The following IGFL4 variants were observed in gnomAD, a reference collection of about 807,000 sequenced individuals.
IGFL4 encodes IGF like family member 4.
IGFL4 carries 12 observed loss-of-function variants against 15.4 expected under a neutral mutation model. The observed-to-expected ratio is 0.78, with a 90% CI of 0.50 to 1.26. The LOEUF (loss-of-function observed/expected upper bound fraction) is 1.26. Ranked by LOEUF, IGFL4 falls within the 50% of genes most tolerant of loss-of-function variation. The pLI is 0.00. For synonymous variants in IGFL4, 54 were observed against 55.9 expected, an observed-to-expected ratio of 0.97 and a Z score of 0.16; for missense variants, 126 against 147.8, an observed-to-expected ratio of 0.85 and a Z score of 0.76.
At chr19:46,050,346 CAGA>C (rs963813624) in intron 2 of IGFL4, among the ~76,000 whole-genome samples, 51 of 152,198 alleles carry the variant, frequency 3.4e-4, no homozygotes, top group Admixed American at 1.0e-3. Context: ...AAAAAGAATT[CAGA>C]AGATCGATTA....
chr19:46,059,003 T>C (rs1969419811), intron 2 of IGFL4: 4 of 152,210 alleles, frequency 2.6e-5, no homozygotes. Context: ...TTGGTGTGGG[T>C]AGGAGTGTCT....
intron 1 of IGFL4, among the ~76,000 whole-genome samples, chr19:46,072,090 A>G (rs2146530313): frequency 6.6e-6 from 1 of 152,358 alleles, no homozygotes; most frequent in African/African-American, 2.4e-5. Flanking sequence ...CTTCAACGAG[A>G]CTACTTTTCC....
At chr19:46,061,566 A>G (rs2193514) in intron 1 of IGFL4, among the ~76,000 whole-genome samples, 26,388 of 152,170 alleles carry the variant, frequency 0.17, 2,494 homozygotes, top group Middle Eastern at 0.22. Context: ...CAGCCTAACA[A>G]GCAGGCACAG....
chr19:46,071,024 C>T (rs1318207496), intron 1 of IGFL4, among the ~76,000 whole-genome samples: 9 of 152,124 alleles, frequency 5.9e-5, no homozygotes, highest in Non-Finnish European at 1.2e-4. Flanking sequence ...AACAAGCCTG[C>T]GGTCCTCCAT....
intron 1 of IGFL4, among the ~76,000 whole-genome samples, chr19:46,074,820 GCATC>G (rs1207409096): frequency 1.3e-5 from 2 of 152,258 alleles, no homozygotes; most frequent in South Asian, 4.1e-4. Flanking sequence ...TCAATACTTT[GCATC>G]CTTCAATCCA....
chr19:46,057,968 G>A (rs1424788752), intron 2 of IGFL4: 1 of 152,094 alleles, frequency 6.6e-6, no homozygotes, highest in African/African-American at 2.4e-5. Context: ...GATTTGGGTA[G>A]GGACACAGCC....
At chr19:46,075,877 A>G (rs1969590723) in intron 1 of IGFL4, among the ~76,000 whole-genome samples, 1 of 152,168 alleles carries the variant, frequency 6.6e-6, no homozygotes. Context: ...TCAATCATTT[A>G]TTTATACCAG....
At chr19:46,067,340 A>AT (rs1420188337) in intron 1 of IGFL4, among the ~76,000 whole-genome samples, 1 of 151,866 alleles carries the variant, frequency 6.6e-6, no homozygotes, top group African/African-American at 2.4e-5. Flanking sequence ...CCCTCCACCC[A>AT]TCCAGGAAGC....
At position 46,039,839 on chromosome 19, in the gene IGFL4, T is replaced by G; in HGVS notation, c.*53A>C. The G allele has an allele frequency of 7.0e-7, 1 of 1,424,576 alleles. No homozygotes were observed. The allele number at this position is 1,424,576 out of a possible 1,614,324, so 88.2% of individuals were successfully genotyped here. Reference sequence around the variant, plus strand: ...CAACAACAAAATCAATGCAGTATAATTACCAAGTATTAGATTCTAGAGTGA... The same window carrying G: ...CAACAACAAAATCAATGCAGTATAAGTACCAAGTATTAGATTCTAGAGTGA... On this transcript the variant is annotated 3_prime_UTR_variant, in exon 4 of 4. Transcript: ENST00000377697.
chr19:46,046,406 C>T (rs4280361), intron 2 of IGFL4, among the ~76,000 whole-genome samples: 70,071 of 151,970 alleles, frequency 0.46, 17,112 homozygotes, highest in Non-Finnish European at 0.55. Flanking sequence ...TCACACATAA[C>T]AATACTAACC....
chr19:46,064,748 A>G (rs1969478906), intron 1 of IGFL4, among the ~76,000 whole-genome samples: 1 of 152,212 alleles, frequency 6.6e-6, no homozygotes, highest in African/African-American at 2.4e-5. Context: ...GAACAGTGCT[A>G]CAACAAATAT....
intron 2 of IGFL4, among the ~76,000 whole-genome samples, chr19:46,051,969 C>A (rs1969348866): frequency 6.6e-6 from 1 of 152,118 alleles, no homozygotes. Context: ...AACACTGGAG[C>A]TCCCAAATTT....
At chr19:46,069,462 C>T (rs1238665393) in intron 1 of IGFL4, among the ~76,000 whole-genome samples, 1 of 152,142 alleles carries the variant, frequency 6.6e-6, no homozygotes, top group Non-Finnish European at 1.5e-5. Flanking sequence ...CTACCCTCCC[C>T]AAAGGTAACT....
At chr19:46,072,840 G>C (rs776825235) in intron 1 of IGFL4, among the ~76,000 whole-genome samples, 1 of 152,150 alleles carries the variant, frequency 6.6e-6, no homozygotes, top group Non-Finnish European at 1.5e-5. Flanking sequence ...TGGTGTGTAA[G>C]AGAGATAAAG....
At chr19:46,043,112 A>G (rs1158729933), upstream of IGFL4, among the ~76,000 whole-genome samples, 1 of 152,224 alleles carries the variant, frequency 6.6e-6, no homozygotes, top group Non-Finnish European at 1.5e-5. Context: ...ATACAAAGTC[A>G]ACACACAAAA....
At chr19:46,049,062 A>G (rs1338182072) in intron 2 of IGFL4, among the ~76,000 whole-genome samples, 2 of 152,210 alleles carry the variant, frequency 1.3e-5, no homozygotes, top group Non-Finnish European at 2.9e-5. Context: ...GTACTGGTAT[A>G]AGAACAGACA....
intron 2 of IGFL4, among the ~76,000 whole-genome samples, chr19:46,054,593 C>T (rs2341892): frequency 0.72 from 108,996 of 152,030 alleles, 39,739 homozygotes; most frequent in Middle Eastern, 0.76. Context: ...TTTCAGGTCT[C>T]TTGTGGTGTA....
intron 1 of IGFL4, among the ~76,000 whole-genome samples, chr19:46,068,716 G>T (rs1012897258): frequency 2.6e-5 from 4 of 152,196 alleles, no homozygotes; most frequent in African/African-American, 9.7e-5. Context: ...CGCCGGGAAA[G>T]ACTTTGATCA....
intron 2 of IGFL4, among the ~76,000 whole-genome samples, chr19:46,048,007 CA>C (rs1969312557): frequency 6.6e-6 from 1 of 152,104 alleles, no homozygotes; most frequent in South Asian, 2.1e-4. Context: ...AACATCAATG[CA>C]AAAAACCTCA....
Sources: allele counts gnomAD v4.1 joint callset (sites outside exome capture counted in the v4.1 genomes callset), GRCh38; gene constraint gnomAD v4.1.1; transcripts MANE v1.5; gene names NCBI Gene and HGNC (gene_info 2026-07-23, HGNC 2026-07-21).